CEP63: variants seen among roughly 807,000 people sequenced by gnomAD.
The protein encoded by CEP63 is centrosomal protein 63.
In CEP63, 84 loss-of-function variants were observed where a neutral mutation model predicts 89.1. The ratio of observed to expected loss-of-function variants is 0.94; its 90% CI spans 0.79 to 1.13. The LOEUF (loss-of-function observed/expected upper bound fraction) is 1.13, where lower values mean the gene tolerates loss of function less well. Ranked by LOEUF, CEP63 falls within the 50% of genes most tolerant of loss-of-function variation. The pLI is 0.00. For missense variants in CEP63, 838 were observed against 813.3 expected, an observed-to-expected ratio of 1.03 and a Z score of -0.37; for synonymous variants, 267 against 272.5, an observed-to-expected ratio of 0.98 and a Z score of 0.20.
chr3:134,591,891 A>AAAAAT (rs10630392), downstream of CEP63, among the ~76,000 whole-genome samples: 150,281 of 150,938 alleles, frequency 1, 74,817 homozygotes, highest in Non-Finnish European at 1. Flanking sequence ...TGTCCCCCCA[A>AAAAAT]AAAATAAAAT....
intron 1 of CEP63, chr3:134,486,423 C>T: frequency 4.1e-6 from 4 of 985,500 alleles, no homozygotes; most frequent in Admixed American, 6.1e-5. Flanking sequence ...AGCCCAGTCC[C>T]TCGGCCTGGC....
At chr3:134,570,598 C>T (rs1362287122) in intron 11 of CEP63, among the ~76,000 whole-genome samples, 1 of 152,220 alleles carries the variant, frequency 6.6e-6, no homozygotes, top group African/African-American at 2.4e-5. Context: ...AGCCATTCAA[C>T]AAGTCTCTAG....
chr3:134,595,704 A>G, the CEP63 span, among the ~76,000 whole-genome samples: 15 of 152,170 alleles, frequency 9.9e-5, no homozygotes, highest in Non-Finnish European at 2.1e-4. Context: ...TGGCCTTCTC[A>G]TTCTCAATCC....
chr3:134,528,280 G>C (rs1949078574), intron 3 of CEP63, among the ~76,000 whole-genome samples: 1 of 152,054 alleles, frequency 6.6e-6, no homozygotes, highest in African/African-American at 2.4e-5. Flanking sequence ...CACACCAGTT[G>C]TCTCAGTCCC....
the CEP63 span, among the ~76,000 whole-genome samples, chr3:134,669,044 G>T: frequency 1.3e-5 from 2 of 151,810 alleles, no homozygotes; most frequent in Non-Finnish European, 2.9e-5. Flanking sequence ...TTGAGACAGG[G>T]TCTTACTCTG....
chr3:134,574,839 T>C, exon 12 of CEP63: 1 of 634,404 alleles, frequency 1.6e-6, no homozygotes, highest in Non-Finnish European at 2.9e-6. Flanking sequence ...AACTTCGGGA[T>C]TCAAGCAATC....
the CEP63 span, among the ~76,000 whole-genome samples, chr3:134,675,420 A>G: frequency 4.6e-5 from 7 of 152,276 alleles, no homozygotes; most frequent in Non-Finnish European, 1.0e-4. Flanking sequence ...AGTTAAAACT[A>G]TAAAACTCTT....
At chr3:134,687,804 C>T in the CEP63 span, among the ~76,000 whole-genome samples, 1 of 152,200 alleles carries the variant, frequency 6.6e-6, no homozygotes, top group Admixed American at 6.5e-5. Context: ...CTCCTCAGGG[C>T]ACTGCCCCCA....
the CEP63 span, among the ~76,000 whole-genome samples, chr3:134,756,861 C>T: frequency 6.6e-6 from 1 of 152,186 alleles, no homozygotes; most frequent in Non-Finnish European, 1.5e-5. Context: ...GGCTGTCACA[C>T]ATCTTGTTTT....
chr3:134,711,215 C>T, the CEP63 span, among the ~76,000 whole-genome samples: 1 of 152,206 alleles, frequency 6.6e-6, no homozygotes, highest in South Asian at 2.1e-4. Flanking sequence ...CATTTCTTTT[C>T]TCCAAAACTT....
the CEP63 span, among the ~76,000 whole-genome samples, chr3:134,714,088 T>C: frequency 6.6e-6 from 1 of 151,994 alleles, no homozygotes; most frequent in Non-Finnish European, 1.5e-5. Flanking sequence ...TTTCAACAAT[T>C]TGAAATAGCA....
At chr3:134,747,946 C>T in the CEP63 span, among the ~76,000 whole-genome samples, 36 of 152,084 alleles carry the variant, frequency 2.4e-4, no homozygotes, top group Admixed American at 1.6e-3. Context: ...CCACCATGCC[C>T]GGCTAATTTT....
the CEP63 span, among the ~76,000 whole-genome samples, chr3:134,658,117 C>T: frequency 4.5e-4 from 69 of 152,196 alleles, no homozygotes; most frequent in Non-Finnish European, 8.2e-4. Flanking sequence ...AGGATAGTCT[C>T]GATCTCCTGA....
At chr3:134,494,348 T>G (rs1227568935) in intron 1 of CEP63, among the ~76,000 whole-genome samples, 7 of 151,562 alleles carry the variant, frequency 4.6e-5, no homozygotes, top group Admixed American at 4.6e-4. Context: ...ACTCCTGACC[T>G]CAGGTGATCC....
At chr3:134,677,451 C>G in the CEP63 span, among the ~76,000 whole-genome samples, 1 of 152,308 alleles carries the variant, frequency 6.6e-6, no homozygotes, top group South Asian at 2.1e-4. Context: ...GCAGCAGGTG[C>G]ACCTTCATGG....
chr3:134,526,036 G>A (rs146055671), intron 3 of CEP63, among the ~76,000 whole-genome samples: 1 of 152,224 alleles, frequency 6.6e-6, no homozygotes, highest in African/African-American at 2.4e-5. Context: ...TTTCCAGATT[G>A]GTTCCATTCT....
At chr3:134,716,544 G>T in the CEP63 span, among the ~76,000 whole-genome samples, 1 of 152,136 alleles carries the variant, frequency 6.6e-6, no homozygotes, top group African/African-American at 2.4e-5. Context: ...GTTGTCTAGG[G>T]TCTGTCTAGT....
the CEP63 span, among the ~76,000 whole-genome samples, chr3:134,678,379 C>T: frequency 6.6e-6 from 1 of 152,198 alleles, no homozygotes; most frequent in Middle Eastern, 3.2e-3. Context: ...TTTCCACAAC[C>T]CTCTGGACTT....
chr3:134,492,352 GT>G (rs1437043562), intron 1 of CEP63, among the ~76,000 whole-genome samples: 1 of 152,122 alleles, frequency 6.6e-6, no homozygotes, highest in Non-Finnish European at 1.5e-5. Context: ...AGTGCATAGA[GT>G]TGAATGATGG....
Sources: gnomAD v4.1 joint callset for allele counts (sites outside exome capture counted in the v4.1 genomes callset) on GRCh38, gnomAD v4.1.1 for gene constraint, MANE v1.5 for transcripts, NCBI Gene and HGNC (gene_info 2026-07-23, HGNC 2026-07-21) for gene names.